The following EMP2 variants were observed in gnomAD, a reference collection of about 807,000 sequenced individuals.
EMP2 encodes epithelial membrane protein 2.
Under a neutral mutation model 13.7 loss-of-function variants are expected in EMP2, and 19 were observed. The observed-to-expected ratio is 1.38, with a 90% CI of 0.97 to 2.03. EMP2 has a LOEUF of 2.03. Ranked by LOEUF, EMP2 falls within the 30% of genes most tolerant of loss-of-function variation. EMP2 has a pLI of 0.00. For synonymous variants in EMP2, 97 were observed against 84.7 expected, an observed-to-expected ratio of 1.15 and a Z score of -0.80; for missense variants, 253 against 220.7, an observed-to-expected ratio of 1.15 and a Z score of -0.93.
At position 10,569,358 on chromosome 16, in the gene EMP2, G is replaced by A. The variant is rs75943609; in HGVS notation, c.-61+11191C>T. 5.9e-5 allele frequency among the ~76,000 whole-genome samples: 9 copies of A among 152,222 alleles called. No individual in the cohort carries two copies. The East Asian group carries it at 1.7e-3, about 29-fold the overall frequency. On this transcript the variant is annotated intron_variant, in intron 1 of 4. Transcript: ENST00000359543. Reference sequence around the variant, plus strand: ...GTTTTGTTTTTTGTTTTTAAAACAGGGTCTCGCTCTGCTGCCCAGGCTGGA... The same window carrying A: ...GTTTTGTTTTTTGTTTTTAAAACAGAGTCTCGCTCTGCTGCCCAGGCTGGA...
Position 10,532,052 on chromosome 16 carries a change from C to G in EMP2, c.*853G>C. On this transcript the variant is annotated 3_prime_UTR_variant, in exon 5 of 5. Coordinates refer to ENST00000359543, the MANE Select transcript of EMP2 (RefSeq NM_001424.6). Reference sequence around the variant, plus strand: ...CCTCCCCATCTCCACATGACGATACCCCAGCATTTACGAGGCAGCTCTGCT... The same window carrying G: ...CCTCCCCATCTCCACATGACGATACGCCAGCATTTACGAGGCAGCTCTGCT... The G allele has an allele frequency of 1.3e-5, 2 of 154,886 alleles. No individual in the cohort carries two copies. Among genetic ancestry groups the G allele is most frequent in the Middle Eastern group, 1.0e-3 (2 of 1,926 alleles). 9.6% of individuals were successfully genotyped at this position (154,886 alleles called of 1,614,324 possible).
At chr16:10,573,688 T>C (rs1298424467) in intron 1 of EMP2, among the ~76,000 whole-genome samples, 3 of 152,222 alleles carry the variant, frequency 2.0e-5, no homozygotes, top group Non-Finnish European at 4.4e-5. Context: ...GATAAGATTG[T>C]ATCCTTTCAA....
At chr16:10,534,623 G>A (rs951452466) in intron 4 of EMP2, among the ~76,000 whole-genome samples, 1 of 152,112 alleles carries the variant, frequency 6.6e-6, no homozygotes, top group Non-Finnish European at 1.5e-5. Context: ...AAAATTAGCT[G>A]GGTGTGATGG....
At chr16:10,550,486 T>C (rs2050778532) in intron 1 of EMP2, among the ~76,000 whole-genome samples, 1 of 152,194 alleles carries the variant, frequency 6.6e-6, no homozygotes, top group Admixed American at 6.5e-5. Flanking sequence ...CTCAAATTTG[T>C]GTTCGATGTT....
intron 1 of EMP2, among the ~76,000 whole-genome samples, chr16:10,575,399 G>A (rs530555503): frequency 7.3e-5 from 11 of 151,360 alleles, no homozygotes; most frequent in African/African-American, 1.9e-4. Context: ...GACTACAGGC[G>A]CCCGCCACCA....
At chr16:10,567,057 A>G (rs7342737) in intron 1 of EMP2, among the ~76,000 whole-genome samples, 1 of 152,234 alleles carries the variant, frequency 6.6e-6, no homozygotes, top group South Asian at 2.1e-4. Context: ...AAGCCTCCCC[A>G]ACTTTTCTAG....
In EMP2 at chr16:10,528,835, G is replaced by A. The variant is rs2050575575; in HGVS notation, c.*4070C>T. The A allele has an allele frequency of 6.6e-6, 1 of 152,208 alleles. No individual in the cohort carries two copies. Among genetic ancestry groups the A allele is most frequent in the Non-Finnish European group, 1.5e-5 (1 of 68,046 alleles). 9.4% of individuals were successfully genotyped at this position (152,208 alleles called of 1,614,324 possible). A position where few individuals can be genotyped will look rare whatever the true frequency, so the allele number is the denominator to read the frequency against. On this transcript the variant is annotated 3_prime_UTR_variant, in exon 5 of 5. Transcript: ENST00000359543. ...GAGGCAGATTTTAAACTACGATACA[G>A]TTTCTATCTAGGCCACTGTGTTTAG...
chr16:10,552,305 G>A (rs1477816271), intron 1 of EMP2, among the ~76,000 whole-genome samples: 1 of 151,938 alleles, frequency 6.6e-6, no homozygotes, highest in African/African-American at 2.4e-5. Flanking sequence ...AAATGCATAT[G>A]GACATGTAAC....
rs780530156 is a variant in EMP2, at chr16:10,532,940, C to T, written c.469G>A (p.Gly157Ser). The T allele has an allele frequency of 4.8e-5, 77 of 1,600,430 alleles. No homozygotes were observed. Among genetic ancestry groups the T allele is most frequent in the Middle Eastern group, 1.8e-4 (1 of 5,586 alleles). Reference protein sequence around the residue: ...WVAFACTFISGMMYLILRKRK With the variant: ...WVAFACTFISSMMYLILRKRK ...TTCCTCAGTATCAGGTACATCATGC[C>T]GCTGATGAAGGTGCAGGCGAAGGCC... The change falls in exon 5 of 5, where the codon GGC (glycine) becomes AGC (serine). Residue 157 changes from glycine (G) to serine (S), a missense_variant. By Grantham distance (56) the Gly-to-Ser change is moderately conservative. Transcript: ENST00000359543.
At chr16:10,569,602 G>A (rs1440383027) in intron 1 of EMP2, among the ~76,000 whole-genome samples, 2 of 152,186 alleles carry the variant, frequency 1.3e-5, no homozygotes, top group South Asian at 2.1e-4. Flanking sequence ...TTACAGGCAT[G>A]AGCCACCACA....
chr16:10,570,224 C>CTTTTT, intron 1 of EMP2, among the ~76,000 whole-genome samples: 1 of 131,744 alleles, frequency 7.6e-6, no homozygotes, highest in East Asian at 2.2e-4. Context: ...AAAATGGTGG[C>CTTTTT]TTTTTTTTTT....
intron 1 of EMP2, among the ~76,000 whole-genome samples, chr16:10,549,877 CTTTTTCTTTTTTTTTT>C (rs2050771779): frequency 1.5e-5 from 2 of 137,236 alleles, no homozygotes; most frequent in South Asian, 2.3e-4. Context: ...CTTTTTTTTT[CTTTTTCTTTTTTTTTT>C]TTTTTTTTTT....
At chr16:10,533,250 C>T (rs2050622129) in intron 4 of EMP2, among the ~76,000 whole-genome samples, 158 bp from the exon 5 acceptor site, 1 of 152,164 alleles carries the variant, frequency 6.6e-6, no homozygotes, top group Non-Finnish European at 1.5e-5. Context: ...GTCACCCAGG[C>T]TGGTCTTGAA....
At chr16:10,571,255 CAAAAAAAAAAAAAAA>C (rs58665715) in intron 1 of EMP2, among the ~76,000 whole-genome samples, 41 of 33,434 alleles carry the variant, frequency 1.2e-3, no homozygotes, top group Non-Finnish European at 2.1e-3. Flanking sequence ...GACTCCGTCT[CAAAAAAAAAAAAAAA>C]AAAAAAAAAA....
At chr16:10,567,450 T>C (rs1273051663) in intron 1 of EMP2, among the ~76,000 whole-genome samples, 1 of 152,222 alleles carries the variant, frequency 6.6e-6, no homozygotes, top group East Asian at 1.9e-4. Context: ...CATGATCTGC[T>C]TGCAAACTGT....
At chr16:10,560,521 TA>T (rs1173106480) in intron 1 of EMP2, among the ~76,000 whole-genome samples, 1 of 152,212 alleles carries the variant, frequency 6.6e-6, no homozygotes, top group Non-Finnish European at 1.5e-5. Flanking sequence ...GCCCGTTCTT[TA>T]AAAATGAAGC....
At chr16:10,538,165 G>C (rs2050665624) in intron 3 of EMP2, 91 bp from the exon 4 acceptor site, 1 of 1,490,952 alleles carries the variant, frequency 6.7e-7, no homozygotes, top group Non-Finnish European at 9.2e-7. Context: ...CAGAGTAGGT[G>C]TGACAGGAGG....
intron 1 of EMP2, among the ~76,000 whole-genome samples, chr16:10,562,336 TTCTCTCTCTCTCTCTCTCTCTC>T (rs540802206): frequency 1.9e-4 from 23 of 124,206 alleles, no homozygotes; most frequent in African/African-American, 7.1e-4. Flanking sequence ...CTCATGCATG[TTCTCTCTCTCTCTCTCTCTCTC>T]TCTCTCTCTC....
At chr16:10,543,827 G>A (rs968005670) in intron 2 of EMP2, among the ~76,000 whole-genome samples, 167 bp from the exon 3 acceptor site, 1 of 152,116 alleles carries the variant, frequency 6.6e-6, no homozygotes, top group Non-Finnish European at 1.5e-5. Context: ...GGAGGTCTGG[G>A]GTGGGGACTG....
Sources: allele counts gnomAD v4.1 joint callset (sites outside exome capture counted in the v4.1 genomes callset), GRCh38; gene constraint gnomAD v4.1.1; transcripts MANE v1.5; gene names NCBI Gene and HGNC (gene_info 2026-07-23, HGNC 2026-07-21).